The following BCAS3 variants were observed in gnomAD, a reference collection of about 807,000 sequenced individuals.
BCAS3 encodes BCAS4/BCAS3 fusion.
Under a neutral mutation model 116.1 loss-of-function variants are expected in BCAS3, and 53 were observed. The observed-to-expected ratio is 0.46, with a 90% confidence interval of 0.37 to 0.57. The LOEUF is 0.57. BCAS3 is among the 20% of genes least tolerant of loss of function. The probability of loss-of-function intolerance (pLI) is 0.00; values close to 1 mark genes in which losing one functional copy is unlikely to be tolerated. For synonymous variants in BCAS3, 391 were observed against 408.2 expected, an observed-to-expected ratio of 0.96 and a Z score of 0.51; for missense variants, 917 against 1,165.4, an observed-to-expected ratio of 0.79 and a Z score of 3.10.
chr17:60,847,069 C>T (rs2052605956), intron 7 of BCAS3, among the ~76,000 whole-genome samples: 1 of 152,210 alleles, frequency 6.6e-6, no homozygotes, highest in African/African-American at 2.4e-5. Context: ...TGGATTCACA[C>T]AATATGTGAC....
chr17:60,781,117 G>C (rs1049809483), intron 6 of BCAS3, among the ~76,000 whole-genome samples: 1 of 151,568 alleles, frequency 6.6e-6, no homozygotes, highest in Non-Finnish European at 1.5e-5. Context: ...TTACAGGTGC[G>C]TGCCACCATG....
At position 61,115,109 on chromosome 17, in the gene BCAS3, A is replaced by T. The variant is rs1191532316; in HGVS notation, c.2425+30545A>T. On this transcript the variant is annotated intron_variant, in intron 22 of 23. Coordinates refer to ENST00000407086, the MANE Select transcript of BCAS3 (RefSeq NM_017679.5). ...TCAATTCAAGATGGATTAAAGACTT[A>T]AACGTTAGACCTAAAACCATAAAAA... 6.6e-5 allele frequency among the ~76,000 whole-genome samples: 10 copies of T among 150,994 alleles called. No homozygotes were observed. In the East Asian group the frequency reaches 1.8e-3, roughly 27 times the overall value.
At chr17:61,184,129 A>G (rs2079631367) in intron 22 of BCAS3, among the ~76,000 whole-genome samples, 1 of 152,182 alleles carries the variant, frequency 6.6e-6, no homozygotes, top group Non-Finnish European at 1.5e-5. Context: ...AAATGTCGTG[A>G]CCAGGGTCTT....
At chr17:60,945,354 A>C (rs1219183431) in intron 13 of BCAS3, among the ~76,000 whole-genome samples, 1 of 152,182 alleles carries the variant, frequency 6.6e-6, no homozygotes, top group Non-Finnish European at 1.5e-5. Flanking sequence ...TTCCCTCAAA[A>C]TCCTAAACAA....
rs2051768940 is a variant in BCAS3, at chr17:61,286,268, A to T, written c.2426-82059A>T. 6.6e-6 allele frequency among the ~76,000 whole-genome samples: 1 copy of T among 152,202 alleles called. No homozygotes were observed. Among genetic ancestry groups the T allele is most frequent in the Non-Finnish European group, 1.5e-5 (1 of 68,036 alleles). ...CGGGGGTGGGGCGCTGCCGAATATG[A>T]GACATTTCCTCTTGCTTCTGAGTTC... On this transcript the variant is annotated intron_variant, in intron 22 of 23. Coordinates refer to ENST00000407086, the MANE Select transcript of BCAS3 (RefSeq NM_017679.5). This position sits in a 1 kb window ranked among gnomAD's most constrained non-coding sequence, Gnocchi z 4.8.
intron 22 of BCAS3, among the ~76,000 whole-genome samples, chr17:61,232,323 CAATT>C (rs1400608747): frequency 1.3e-5 from 2 of 150,102 alleles, no homozygotes; most frequent in African/African-American, 4.9e-5. Context: ...AATTTAGAAG[CAATT>C]AATTCTGGAT....
rs1343081023 is a variant in BCAS3 at position 61,029,204 on chromosome 17, T to C, written c.1638-5462T>C. 6.6e-6 allele frequency among the ~76,000 whole-genome samples: 1 copy of C among 152,028 alleles called. No homozygotes were observed. The highest frequency in any genetic ancestry group is 2.4e-5 in the African/African-American group (1 of 41,438). ...TTTTTATTAGTTTCGAGTTGCAACG[T>C]TAACACTTAGCTAAGAATTTGCTTT... On this transcript the variant is annotated intron_variant, in intron 16 of 23. Transcript: ENST00000407086. The surrounding 1 kb of genome is among the most constrained non-coding windows in gnomAD (Gnocchi z 5.2).
At chr17:61,373,056 C>T (rs1603139301) in intron 23 of BCAS3, among the ~76,000 whole-genome samples, 1 of 151,638 alleles carries the variant, frequency 6.6e-6, no homozygotes, top group East Asian at 1.9e-4. Flanking sequence ...AAGCCCAGGC[C>T]TTATGCATGG....
rs1198893888 is a variant in BCAS3, at chr17:60,877,834, TG to T, written c.661+3099del. Among the ~76,000 whole-genome samples the T allele has an allele frequency of 3.9e-5, 6 of 152,326 alleles. No homozygotes were observed. The East Asian group carries it at 9.6e-4, about 24-fold the overall frequency. On this transcript the variant is annotated intron_variant, in intron 9 of 23. Transcript: ENST00000407086. Reference sequence around the variant, plus strand: ...TGTTTGCATACTGGCTGTCATGGGTTGGGCATTCCTTAAAATCTATTTAGTG... The same window carrying T: ...TGTTTGCATACTGGCTGTCATGGGTTGGCATTCCTTAAAATCTATTTAGTG...
intron 19 of BCAS3, among the ~76,000 whole-genome samples, chr17:61,067,206 C>G (rs1030372373): frequency 3.0e-4 from 42 of 142,222 alleles, no homozygotes; most frequent in African/African-American, 1.0e-3. Context: ...ATATAGGATT[C>G]AGACCTAAGG....
intron 15 of BCAS3, among the ~76,000 whole-genome samples, chr17:61,002,343 T>A (rs770416405): frequency 9.9e-5 from 15 of 152,132 alleles, no homozygotes; most frequent in Admixed American, 2.6e-4. Flanking sequence ...TCTTCTTTGC[T>A]TTTTACTGCT....
intron 22 of BCAS3, among the ~76,000 whole-genome samples, chr17:61,125,931 C>T (rs1169931319): frequency 6.6e-6 from 1 of 152,028 alleles, no homozygotes; most frequent in Non-Finnish European, 1.5e-5. Flanking sequence ...TGTAGAATTT[C>T]AAGGAAGAAG....
chr17:61,074,012 G>A (rs945445574), intron 19 of BCAS3, among the ~76,000 whole-genome samples: 1 of 151,624 alleles, frequency 6.6e-6, no homozygotes. Flanking sequence ...ATTAGACTGA[G>A]GTGAGAAGAT....
intron 6 of BCAS3, among the ~76,000 whole-genome samples, chr17:60,747,866 A>AAT (rs1198949505): frequency 1.3e-5 from 2 of 152,008 alleles, no homozygotes; most frequent in Non-Finnish European, 1.5e-5. Context: ...GTGTTTAAAT[A>AAT]ATATATATGT....
intron 2 of BCAS3, 122 bp from the exon 3 acceptor site, chr17:60,683,860 A>G: frequency 1.1e-6 from 1 of 870,862 alleles, no homozygotes; most frequent in East Asian, 2.6e-5. Flanking sequence ...ACAAACAAAA[A>G]AACCCCAAAA....
At chr17:60,818,841 TG>T (rs1218770698) in intron 7 of BCAS3, among the ~76,000 whole-genome samples, 1 of 152,162 alleles carries the variant, frequency 6.6e-6, no homozygotes, top group African/African-American at 2.4e-5. Flanking sequence ...ATACCGTTTA[TG>T]CTGACAGCTG....
In BCAS3 at chr17:61,189,123, A is replaced by AAG. The variant is rs754656266; in HGVS notation, c.2425+104575_2425+104576dup. On this transcript the variant is annotated intron_variant, in intron 22 of 23. Transcript: ENST00000407086. The surrounding 1 kb of genome is among the most constrained non-coding windows in gnomAD (Gnocchi z 4.5). ...GCCTGAAAACAAAACAAAACAAAAA[A>AAG]AGAGAGAGAGAGAGAGAACAGCACA... Among the ~76,000 whole-genome samples the AAG allele has an allele frequency of 2.8e-4, 43 of 151,756 alleles. No homozygotes were observed. Among genetic ancestry groups the AAG allele is most frequent in the Admixed American group, 5.9e-4 (9 of 15,224 alleles).
chr17:61,269,956 A>G (rs1260414915), intron 22 of BCAS3, among the ~76,000 whole-genome samples: 2 of 151,542 alleles, frequency 1.3e-5, no homozygotes, highest in African/African-American at 4.9e-5. Flanking sequence ...GGCACGTGCC[A>G]CCACGCCTGG....
chr17:61,372,068 A>G (rs966473126), intron 23 of BCAS3, among the ~76,000 whole-genome samples: 5 of 152,152 alleles, frequency 3.3e-5, no homozygotes, highest in African/African-American at 9.7e-5. Context: ...GCAAACTCCA[A>G]TTCGAGCTCA....
Sources: allele counts gnomAD v4.1 joint callset (sites outside exome capture counted in the v4.1 genomes callset), GRCh38; gene constraint gnomAD v4.1.1; non-coding constraint Gnocchi (gnomAD v3.1); transcripts MANE v1.5; gene names NCBI Gene and HGNC (gene_info 2026-07-23, HGNC 2026-07-21).